Variants in KAZN observed in about 807,000 individuals in gnomAD.
KAZN encodes kazrin, periplakin interacting protein.
A neutral mutation model predicts 87.4 loss-of-function variants in KAZN; 40 were observed. The ratio of observed to expected loss-of-function variants is 0.46; its 90% CI spans 0.36 to 0.60. The LOEUF (loss-of-function observed/expected upper bound fraction) is 0.60, where lower values mean the gene tolerates loss of function less well. Among genes scored for constraint, KAZN ranks in the 20% least tolerant of loss-of-function variants. The pLI, the probability that KAZN is intolerant of heterozygous loss-of-function variation, is 0.00. For missense variants in KAZN, 898 were observed against 1,073.9 expected (o/e 0.84, Z 2.29); for synonymous variants, 466 against 458.3 (o/e 1.02, Z -0.22).
chr1:13,910,401 A>G (rs1303067514), intron 1 of KAZN, among the ~76,000 whole-genome samples: 1 of 151,956 alleles, frequency 6.6e-6, no homozygotes, highest in African/African-American at 2.4e-5. Context: ...CCAGCTACCC[A>G]GGAGGTTGAG....
chr1:14,059,807 C>T (rs1194222180), intron 1 of KAZN, among the ~76,000 whole-genome samples: 3 of 152,196 alleles, frequency 2.0e-5, no homozygotes, highest in Non-Finnish European at 4.4e-5. Context: ...CCTTCAGGTC[C>T]AGGGTGCCTT....
intron 2 of KAZN, among the ~76,000 whole-genome samples, chr1:14,194,698 T>G (rs1557551472): frequency 6.6e-6 from 1 of 152,286 alleles, no homozygotes; most frequent in East Asian, 1.9e-4. Flanking sequence ...TTTAGTTTTG[T>G]GGAGCAGCAT....
At chr1:14,280,538 G>A (rs999923392) in intron 2 of KAZN, among the ~76,000 whole-genome samples, 5 of 152,018 alleles carry the variant, frequency 3.3e-5, no homozygotes, top group African/African-American at 1.2e-4. Context: ...TCCAAGCCAA[G>A]GAGCACCAAA....
chr1:14,480,630 T>C (rs965232907), intron 2 of KAZN, among the ~76,000 whole-genome samples: 1 of 113,344 alleles, frequency 8.8e-6, no homozygotes, highest in African/African-American at 3.3e-5. Context: ...AATATATGTA[T>C]ATATTATGTA....
At chr1:14,339,817 G>A (rs1489250073) in intron 2 of KAZN, among the ~76,000 whole-genome samples, 1 of 152,158 alleles carries the variant, frequency 6.6e-6, no homozygotes, top group Non-Finnish European at 1.5e-5. Flanking sequence ...TAGTCCAGTT[G>A]ACACATAAAA....
chr1:15,085,171 C>T (rs1287659638), intron 8 of KAZN, among the ~76,000 whole-genome samples: 7 of 152,060 alleles, frequency 4.6e-5, no homozygotes, highest in South Asian at 2.1e-4. Flanking sequence ...AAGAATGCAA[C>T]GCACAGAGAT....
At position 14,052,673 on chromosome 1, in the gene KAZN, G is replaced by A. The variant is rs542243617; in HGVS notation, c.92-127762G>A. 1.8e-4 allele frequency among the ~76,000 whole-genome samples: 28 copies of A among 152,310 alleles called. 1 individual carries two copies. The South Asian group carries it at 5.2e-3, about 28-fold the overall frequency. ...GTAGGGGGGCAGAGGCCCATTTGGT[G>A]AGCTCCAATCATCCTGGAGAGCAGC... On this transcript the variant is annotated intron_variant, in intron 1 of 16. Coordinates refer to the KAZN transcript ENST00000636203.
chr1:14,706,931 A>G (rs1386324214), intron 1 of KAZN, among the ~76,000 whole-genome samples: 1 of 152,168 alleles, frequency 6.6e-6, no homozygotes, highest in Non-Finnish European at 1.5e-5. Flanking sequence ...TTTGGGCTGA[A>G]TCGTCTGTAG....
At chr1:14,758,989 T>A (rs1280295492) in intron 1 of KAZN, among the ~76,000 whole-genome samples, 3 of 152,172 alleles carry the variant, frequency 2.0e-5, no homozygotes, top group Admixed American at 2.0e-4. Flanking sequence ...AGGCAGACTT[T>A]ATTCCACCAG....
chr1:14,858,214 C>CTTTTTTTTTTT (rs71000342), intron 1 of KAZN, among the ~76,000 whole-genome samples: 4 of 117,030 alleles, frequency 3.4e-5, no homozygotes, highest in Non-Finnish European at 6.8e-5. Context: ...TTTTTCTTTT[C>CTTTTTTTTTTT]TTTTTTTTTT....
rs528173383 is a variant in KAZN, at chr1:13,996,040, C to T, written c.91+102284C>T. Among the ~76,000 whole-genome samples, 7 of 150,128 alleles carry T rather than the reference C, an allele frequency of 4.7e-5. No homozygotes were observed. The South Asian group carries it at 8.5e-4, about 18-fold the overall frequency. On this transcript the variant is annotated intron_variant, in intron 1 of 16. Coordinates refer to the KAZN transcript ENST00000636203. ...AGGTATCCAGGTTCCGTCATCACAA[C>T]GGACTAGGAGGCTGGCCTGATCCAC...
At position 14,924,445 on chromosome 1, in the gene KAZN, G is replaced by C. The variant is rs527286433; in HGVS notation, c.227-36239G>C. On this transcript the variant is annotated intron_variant, in intron 1 of 14. Coordinates refer to ENST00000376030, the MANE Select transcript of KAZN (RefSeq NM_201628.3). ...GCGAGCCGGCGCCTTCCTGCGGGGC[G>C]GGGGCCGGGCCCGCGCGGCCCCCGG... is the stretch of plus-strand genomic sequence containing the variant. 392 of 988,590 alleles carry C rather than the reference G, an allele frequency of 4.0e-4. 1 individual carries two copies. In the African/African-American group the frequency reaches 6.5e-3, roughly 16 times the overall value. 61.2% of individuals were successfully genotyped at this position (988,590 alleles called of 1,614,324 possible).
chr1:15,110,338 A>ATATGTGTGTAAGTTTGTGTG (rs1553191882), intron 13 of KAZN, among the ~76,000 whole-genome samples: 5 of 144,862 alleles, frequency 3.5e-5, no homozygotes, highest in African/African-American at 1.3e-4. Flanking sequence ...GGCATATTGT[A>ATATGTGTGTAAGTTTGTGTG]TATGTGTGTA....
intron 1 of KAZN, among the ~76,000 whole-genome samples, chr1:14,711,856 C>T (rs561769306): frequency 3.3e-5 from 5 of 152,288 alleles, no homozygotes; most frequent in South Asian, 2.1e-4. Flanking sequence ...CAAAAGTCTG[C>T]GACCAGATCC....
At chr1:14,864,961 A>G (rs1651285628) in intron 1 of KAZN, among the ~76,000 whole-genome samples, 1 of 152,198 alleles carries the variant, frequency 6.6e-6, no homozygotes, top group Non-Finnish European at 1.5e-5. Context: ...TGAAACTGCC[A>G]TTAGTGTTAC....
intron 1 of KAZN, among the ~76,000 whole-genome samples, chr1:14,060,381 AAAG>A (rs1642746824): frequency 6.7e-6 from 1 of 148,548 alleles, no homozygotes. Context: ...AAAAAAAAAA[AAAG>A]AATGAGGGTT....
chr1:14,845,957 G>A (rs1156775703), intron 1 of KAZN, among the ~76,000 whole-genome samples: 1 of 152,120 alleles, frequency 6.6e-6, no homozygotes, highest in Non-Finnish European at 1.5e-5. Flanking sequence ...GAGTCCTCAA[G>A]CCAAGTTAGT....
At chr1:15,103,951 G>T in intron 12 of KAZN, 72 bp from the exon 13 acceptor site, 3 of 1,469,462 alleles carry the variant, frequency 2.0e-6, no homozygotes, top group Non-Finnish European at 2.8e-6. Context: ...AGAGCCCCAC[G>T]TGGAACTGGG....
chr1:14,493,393 G>C (rs1277554172), intron 2 of KAZN, among the ~76,000 whole-genome samples: 1 of 152,160 alleles, frequency 6.6e-6, no homozygotes, highest in Admixed American at 6.5e-5. Context: ...CCAGAGAAAA[G>C]GAGAAGAGAG....
Sources: gnomAD v4.1 joint callset for allele counts (sites outside exome capture counted in the v4.1 genomes callset) on GRCh38, gnomAD v4.1.1 for gene constraint, MANE v1.5 for transcripts, NCBI Gene and HGNC (gene_info 2026-07-23, HGNC 2026-07-21) for gene names.